The following ARPP21 variants were observed in gnomAD, a reference collection of about 807,000 sequenced individuals.
The protein encoded by ARPP21 is cAMP-regulated phosphoprotein 21.
In ARPP21, 69 loss-of-function variants were observed where a neutral mutation model predicts 113.2. That is an observed-to-expected ratio of 0.61 (90% CI 0.50 to 0.74). The LOEUF is 0.74. Among genes scored for constraint, ARPP21 ranks in the 30% least tolerant of loss-of-function variants. ARPP21 has a pLI of 0.00. For synonymous variants in ARPP21, 368 were observed against 375.5 expected, an observed-to-expected ratio of 0.98 and a Z score of 0.23; for missense variants, 1,070 against 1,037.4, an observed-to-expected ratio of 1.03 and a Z score of -0.43.
chr3:35,663,256 G>A (rs1313322499), intron 1 of ARPP21, among the ~76,000 whole-genome samples: 1 of 150,894 alleles, frequency 6.6e-6, no homozygotes, highest in Admixed American at 6.6e-5. Context: ...GGCTTCACTG[G>A]ATTTGGGTCA....
intron 14 of ARPP21, among the ~76,000 whole-genome samples, chr3:35,724,820 G>C (rs970505795): frequency 6.6e-6 from 1 of 151,928 alleles, no homozygotes; most frequent in Non-Finnish European, 1.5e-5. Context: ...CTAACACATC[G>C]TGGATATTCT....
At chr3:35,725,791 T>C (rs2150383666) in intron 14 of ARPP21, among the ~76,000 whole-genome samples, 1 of 152,342 alleles carries the variant, frequency 6.6e-6, no homozygotes, top group African/African-American at 2.4e-5. Flanking sequence ...TTCTTTTTTC[T>C]CCTCCCTGTG....
intron 11 of ARPP21, among the ~76,000 whole-genome samples, chr3:35,713,190 A>G (rs1446815483): frequency 6.6e-6 from 1 of 152,172 alleles, no homozygotes; most frequent in East Asian, 1.9e-4. Context: ...TGTTGCACTT[A>G]ATTACTGTGA....
chr3:35,663,156 C>T (rs1015734416), intron 1 of ARPP21, among the ~76,000 whole-genome samples: 1 of 151,944 alleles, frequency 6.6e-6, no homozygotes, highest in Non-Finnish European at 1.5e-5. Context: ...AAAAAAATAA[C>T]AACAGAAACT....
intron 19 of ARPP21, among the ~76,000 whole-genome samples, chr3:35,754,095 G>A (rs1379537654): frequency 6.6e-6 from 1 of 151,460 alleles, no homozygotes; most frequent in East Asian, 1.9e-4. Context: ...AAGAAAGAAT[G>A]TGGAATACTG....
intron 1 of ARPP21, among the ~76,000 whole-genome samples, chr3:35,668,262 A>T (rs1342816710): frequency 6.6e-6 from 1 of 152,200 alleles, no homozygotes; most frequent in Non-Finnish European, 1.5e-5. Flanking sequence ...AAACCTAAAA[A>T]ACAGAGCATT....
chr3:35,738,319 G>A lies in ARPP21; in HGVS notation c.1749+1G>A. On this transcript the variant is annotated splice_donor_variant, in intron 17 of 20. Coordinates refer to ENST00000684406, the MANE Select transcript of ARPP21 (RefSeq NM_001385562.1). LOFTEE classifies it high-confidence loss of function. ...GTCTCCAACGCAGCACTTTCCCATG[G>A]TACTGTATTATGTGTATATGACTTT... 2 of 1,523,912 alleles carry A rather than the reference G, an allele frequency of 1.3e-6. No individual in the cohort carries two copies. Among genetic ancestry groups the A allele is most frequent in the Non-Finnish European group, 1.8e-6 (2 of 1,135,898 alleles). 94.4% of individuals were successfully genotyped at this position (1,523,912 alleles called of 1,614,324 possible).
intron 19 of ARPP21, among the ~76,000 whole-genome samples, chr3:35,773,301 A>G (rs2096262674): frequency 6.6e-6 from 1 of 152,132 alleles, no homozygotes; most frequent in African/African-American, 2.4e-5. Flanking sequence ...CCCTGACCGT[A>G]TGAGATTGAT....
chr3:35,661,178 C>T (rs17033649), intron 1 of ARPP21, among the ~76,000 whole-genome samples: 7,776 of 152,122 alleles, frequency 0.051, 660 homozygotes, highest in African/African-American at 0.18. Context: ...TCCAGGAGAG[C>T]GAGTGCTTTA....
intron 9 of ARPP21, among the ~76,000 whole-genome samples, chr3:35,700,525 AG>A (rs1321335913): frequency 6.6e-6 from 1 of 151,610 alleles, no homozygotes; most frequent in Non-Finnish European, 1.5e-5. Flanking sequence ...AAAAAAAAAA[AG>A]TACACCAATA....
intron 9 of ARPP21, among the ~76,000 whole-genome samples, chr3:35,695,769 A>G (rs993748486): frequency 1.3e-5 from 2 of 151,520 alleles, no homozygotes; most frequent in Admixed American, 6.6e-5. Context: ...AAAAATCTCT[A>G]CATTTTTTTA....
chr3:35,696,186 A>T (rs139929217), intron 9 of ARPP21, among the ~76,000 whole-genome samples: 2 of 151,758 alleles, frequency 1.3e-5, no homozygotes, highest in Non-Finnish European at 3.0e-5. Flanking sequence ...TCAAAAGGAA[A>T]TGACCAAGAG....
chr3:35,758,455 T>TAAAAGACAA (rs2095649942), intron 19 of ARPP21, among the ~76,000 whole-genome samples: 2 of 152,208 alleles, frequency 1.3e-5, no homozygotes, highest in Non-Finnish European at 2.9e-5. Context: ...TTTGTCTTTT[T>TAAAAGACAA]AATTTCCCAT....
intron 19 of ARPP21, among the ~76,000 whole-genome samples, chr3:35,746,456 T>A (rs1313246121): frequency 6.6e-6 from 1 of 152,212 alleles, no homozygotes; most frequent in African/African-American, 2.4e-5. Context: ...TTCAGATAAC[T>A]GTATAAGTTA....
At chr3:35,716,491 CAGA>C (rs2092420252) in intron 12 of ARPP21, among the ~76,000 whole-genome samples, 1 of 151,914 alleles carries the variant, frequency 6.6e-6, no homozygotes, top group African/African-American at 2.4e-5. Flanking sequence ...ATAACCTCTT[CAGA>C]AGAAGAGATA....
intron 3 of ARPP21, 51 bp from the exon 4 acceptor site, chr3:35,682,797 C>A: frequency 1.3e-6 from 2 of 1,523,484 alleles, no homozygotes; most frequent in Non-Finnish European, 8.9e-7. Context: ...ATTTACTGTT[C>A]GTTTTTGTTT....
intron 1 of ARPP21, among the ~76,000 whole-genome samples, chr3:35,657,886 G>C (rs1021261784): frequency 2.0e-5 from 3 of 152,070 alleles, no homozygotes; most frequent in Non-Finnish European, 4.4e-5. Flanking sequence ...ACCAGTGGTC[G>C]TGCATCCACT....
chr3:35,748,622 T>C (rs1395437835), intron 19 of ARPP21, among the ~76,000 whole-genome samples: 1 of 152,232 alleles, frequency 6.6e-6, no homozygotes, highest in Non-Finnish European at 1.5e-5. Flanking sequence ...ATATCTTAAC[T>C]GGAAACAGAG....
chr3:35,752,508 T>G (rs1164386596), intron 19 of ARPP21, among the ~76,000 whole-genome samples: 2 of 152,062 alleles, frequency 1.3e-5, no homozygotes, highest in Non-Finnish European at 2.9e-5. Context: ...TGTACACAAA[T>G]CAACTCTAAG....
Sources: allele counts gnomAD v4.1 joint callset (sites outside exome capture counted in the v4.1 genomes callset), GRCh38; gene constraint gnomAD v4.1.1; transcripts MANE v1.5; gene names NCBI Gene and HGNC (gene_info 2026-07-23, HGNC 2026-07-21).